Variants in NTM observed in about 807,000 individuals in gnomAD.
NTM encodes the protein neurotrimin.
In NTM, 13 loss-of-function variants were observed where a neutral mutation model predicts 42.1. That is an observed-to-expected ratio of 0.31 (90% CI 0.20 to 0.49). The LOEUF (loss-of-function observed/expected upper bound fraction) is 0.49, where lower values mean the gene tolerates loss of function less well. Ranked by LOEUF, NTM falls within the 20% of genes least tolerant of loss-of-function variation. The pLI is 0.99. For synonymous variants in NTM, 187 were observed against 179.2 expected (o/e 1.04, Z -0.35); for missense variants, 373 against 452.8 (o/e 0.82, Z 1.60).
At chr11:132,032,926 G>A (rs1332473859) in intron 2 of NTM, among the ~76,000 whole-genome samples, 1 of 152,152 alleles carries the variant, frequency 6.6e-6, no homozygotes, top group Middle Eastern at 3.2e-3. Flanking sequence ...CAAGTACCTA[G>A]ATCAGTGTCT....
intron 3 of NTM, among the ~76,000 whole-genome samples, chr11:132,150,728 G>A (rs1436013319): frequency 6.6e-6 from 1 of 152,202 alleles, no homozygotes; most frequent in Non-Finnish European, 1.5e-5. Context: ...TGTACCTGCA[G>A]GAGAGTAGGC....
At chr11:131,547,966 T>G (rs2054163134) in intron 1 of NTM, among the ~76,000 whole-genome samples, 1 of 152,170 alleles carries the variant, frequency 6.6e-6, no homozygotes, top group Non-Finnish European at 1.5e-5. Context: ...AAGCTTGTTT[T>G]CAATCATACC....
intron 3 of NTM, among the ~76,000 whole-genome samples, chr11:132,185,837 T>C (rs2078308295): frequency 6.6e-6 from 1 of 152,188 alleles, no homozygotes; most frequent in African/African-American, 2.4e-5. Context: ...CATCCATTAC[T>C]TTCACTTTAT....
At chr11:131,469,644 T>G (rs1418685185) in intron 1 of NTM, among the ~76,000 whole-genome samples, 1 of 152,278 alleles carries the variant, frequency 6.6e-6, no homozygotes, top group Non-Finnish European at 1.5e-5. Flanking sequence ...ATAGGGTGGG[T>G]TTAGGACAAG....
rs531276215 is a variant in NTM at position 131,855,751 on chromosome 11, C to T, written c.83-55813C>T. On this transcript the variant is annotated intron_variant, in intron 1 of 8. Transcript: ENST00000683400. ...TATCAAATGCAATTACATTGCTCTT[C>T]GGATCCTTCTGTCTTGTTTGCAGCC... Among the ~76,000 whole-genome samples, 28 of 152,238 alleles carry T rather than the reference C, an allele frequency of 1.8e-4. No individual in the cohort carries two copies. The South Asian group carries it at 2.5e-3, about 14-fold the overall frequency.
intron 1 of NTM, among the ~76,000 whole-genome samples, chr11:131,654,003 C>T (rs942528918): frequency 6.6e-6 from 1 of 152,190 alleles, no homozygotes; most frequent in Non-Finnish European, 1.5e-5. Context: ...GTGACTGTCT[C>T]TTGGCTTCCC....
chr11:132,027,727 T>C (rs1007393382), intron 2 of NTM, among the ~76,000 whole-genome samples: 2 of 152,190 alleles, frequency 1.3e-5, no homozygotes, highest in East Asian at 1.9e-4. Context: ...TGTAGTTTTT[T>C]GGTATTTTGA....
At chr11:131,397,654 A>C (rs1022050070) in intron 1 of NTM, among the ~76,000 whole-genome samples, 5 of 152,240 alleles carry the variant, frequency 3.3e-5, no homozygotes, top group Admixed American at 1.3e-4. Flanking sequence ...GATTTGGACT[A>C]GCAACCTCCT....
intron 1 of NTM, among the ~76,000 whole-genome samples, chr11:131,694,730 G>A (rs2075220767): frequency 6.6e-6 from 1 of 152,208 alleles, no homozygotes; most frequent in Non-Finnish European, 1.5e-5. Context: ...CTCGCTGAAG[G>A]AGCAGATTTG....
chr11:131,545,468 A>G (rs376619756), intron 1 of NTM, among the ~76,000 whole-genome samples: 1 of 152,056 alleles, frequency 6.6e-6, no homozygotes, highest in East Asian at 1.9e-4. Flanking sequence ...AAATGCATAC[A>G]TCCAGATGTA....
intron 1 of NTM, among the ~76,000 whole-genome samples, chr11:131,488,546 C>A (rs954369304): frequency 2.6e-4 from 39 of 152,190 alleles, no homozygotes; most frequent in Non-Finnish European, 7.3e-5. Context: ...TGCAGCCCAG[C>A]CCAGATTCAA....
intron 2 of NTM, among the ~76,000 whole-genome samples, chr11:131,998,711 A>G (rs1489800131): frequency 6.6e-6 from 1 of 152,042 alleles, no homozygotes; most frequent in Non-Finnish European, 1.5e-5. Flanking sequence ...CCATCTCCCT[A>G]TACATGGCCT....
intron 1 of NTM, among the ~76,000 whole-genome samples, chr11:131,643,331 C>T (rs1362968705): frequency 1.3e-5 from 2 of 152,198 alleles, no homozygotes; most frequent in Non-Finnish European, 2.9e-5. Context: ...CAGTCGTGGC[C>T]CAGAGGGCTG....
intron 1 of NTM, among the ~76,000 whole-genome samples, chr11:131,615,423 T>C (rs1457924794): frequency 1.3e-5 from 2 of 152,254 alleles, no homozygotes; most frequent in African/African-American, 4.8e-5. Flanking sequence ...TGGAGTGCAG[T>C]GGTGCAATCT....
chr11:131,751,836 T>C (rs548053769), intron 1 of NTM, among the ~76,000 whole-genome samples: 2 of 149,398 alleles, frequency 1.3e-5, no homozygotes, highest in South Asian at 2.2e-4. Flanking sequence ...GTTTAACATC[T>C]GCCTCACACA....
intron 1 of NTM, among the ~76,000 whole-genome samples, chr11:131,404,378 G>A (rs1347654004): frequency 1.3e-5 from 2 of 152,044 alleles, no homozygotes; most frequent in South Asian, 2.1e-4. Flanking sequence ...CCCTGGCATC[G>A]CGCCGTCCTG....
At chr11:131,524,965 C>A (rs11821264) in intron 1 of NTM, among the ~76,000 whole-genome samples, 4 of 152,064 alleles carry the variant, frequency 2.6e-5, no homozygotes, top group Non-Finnish European at 4.4e-5. Context: ...ACACATGCAC[C>A]TGCACACAGG....
At chr11:131,985,422 T>C (rs1473560727) in intron 2 of NTM, among the ~76,000 whole-genome samples, 1 of 152,184 alleles carries the variant, frequency 6.6e-6, no homozygotes, top group East Asian at 1.9e-4. Flanking sequence ...ACATTAGTTG[T>C]TATAACAAAT....
intron 1 of NTM, among the ~76,000 whole-genome samples, chr11:131,824,820 A>C (rs1015785639): frequency 2.0e-5 from 3 of 152,010 alleles, no homozygotes; most frequent in Admixed American, 6.6e-5. Flanking sequence ...GAGAGGGAAA[A>C]TATTCTGGAC....
Sources: allele counts gnomAD v4.1 joint callset (sites outside exome capture counted in the v4.1 genomes callset), GRCh38; gene constraint gnomAD v4.1.1; transcripts MANE v1.5; gene names NCBI Gene and HGNC (gene_info 2026-07-23, HGNC 2026-07-21).